ZNF773: variants seen among roughly 807,000 people sequenced by gnomAD.
The protein encoded by ZNF773 is zinc finger protein 773, also known as zinc finger protein 419B.
In ZNF773, 11 loss-of-function variants were observed where a neutral mutation model predicts 12.8. The observed-to-expected ratio is 0.86, with a 90% CI of 0.54 to 1.42. The LOEUF (loss-of-function observed/expected upper bound fraction) is 1.42. Ranked by LOEUF, ZNF773 falls within the 40% of genes most tolerant of loss-of-function variation. The pLI, the probability that ZNF773 is intolerant of heterozygous loss-of-function variation, is 0.00. For synonymous variants in ZNF773, 175 were observed against 178.4 expected (o/e 0.98, Z 0.15); for missense variants, 518 against 527.2 (o/e 0.98, Z 0.17).
In ZNF773 at chr19:57,504,710, G is replaced by C; in HGVS notation, c.87G>C (p.Trp29Cys). ...CTGTCTACTTCTCCCAGGAGGAATG[G>C]AGATTGCTTGATGACGCTCAGAGGC... ...DVAVYFSQEE[W>C]RLLDDAQRLL... Residue 29 changes from tryptophan (W) to cysteine (C), a missense_variant, in exon 2 of 4, where the codon TGG (tryptophan) becomes TGC (cysteine). Physicochemically the swap from Trp to Cys is radical, Grantham distance 215 (BLOSUM62 -2). Transcript: ENST00000282292. The C allele has an allele frequency of 6.2e-7, 1 of 1,614,046 alleles. No individual in the cohort carries two copies. Among genetic ancestry groups the C allele is most frequent in the Non-Finnish European group, 8.5e-7 (1 of 1,180,026 alleles).
At chr19:57,510,921 G>C (rs2089789067), downstream of ZNF773, among the ~76,000 whole-genome samples, 2 of 151,944 alleles carry the variant, frequency 1.3e-5, no homozygotes, top group Non-Finnish European at 2.9e-5. Context: ...CTGTTCTATA[G>C]GTTGAGACGA....
At chr19:57,514,623 T>A (rs1256224280), downstream of ZNF773, 1 of 152,254 alleles carries the variant, frequency 6.6e-6, no homozygotes, top group African/African-American at 2.4e-5. Flanking sequence ...ATGGCTTTTT[T>A]ATCCAATCAG....
intron 1 of ZNF773, among the ~76,000 whole-genome samples, chr19:57,502,185 G>T (rs1280221425): frequency 6.6e-6 from 1 of 152,028 alleles, no homozygotes; most frequent in Admixed American, 6.6e-5. Flanking sequence ...CAGGTGATCC[G>T]CCCACCTCTG....
At chr19:57,509,606 T>C (rs1313218385), downstream of ZNF773, among the ~76,000 whole-genome samples, 1 of 152,218 alleles carries the variant, frequency 6.6e-6, no homozygotes, top group Non-Finnish European at 1.5e-5. Flanking sequence ...TCCTGACAAA[T>C]CACCACAAAC....
intron 1 of ZNF773, among the ~76,000 whole-genome samples, chr19:57,500,665 T>C (rs1007774893): frequency 6.6e-6 from 1 of 152,108 alleles, no homozygotes; most frequent in Non-Finnish European, 1.5e-5. Flanking sequence ...TGAAAGAAAG[T>C]AGGGAATGAA....
chr19:57,503,404 G>A (rs1197847584), intron 1 of ZNF773, among the ~76,000 whole-genome samples: 1 of 152,186 alleles, frequency 6.6e-6, no homozygotes, highest in Non-Finnish European at 1.5e-5. Flanking sequence ...CATGGGGAAA[G>A]GGATGTAGGG....
Position 57,504,556 on chromosome 19 carries a change from A to T in ZNF773, c.34-101A>T, listed in dbSNP as rs575881528. ...TCTGGGGCAGGGTCTCTCTTCTGAGATGGGGATTAAGGAAGAGGGTGAGCA... is the reference window on the plus strand; with the variant it reads ...TCTGGGGCAGGGTCTCTCTTCTGAGTTGGGGATTAAGGAAGAGGGTGAGCA... On this transcript the variant is annotated intron_variant, in intron 1 of 3. Transcript: ENST00000282292. 4.7e-4 allele frequency: 717 copies of T among 1,537,158 alleles called. 3 individuals are homozygous for T. The African/African-American group carries it at 9.0e-3, about 19-fold the overall frequency.
chr19:57,514,538 G>A (rs2089820105), downstream of ZNF773: 1 of 152,164 alleles, frequency 6.6e-6, no homozygotes, highest in Admixed American at 6.5e-5. Flanking sequence ...CTTTGCTTCT[G>A]TTTATTCTTC....
At position 57,507,228 on chromosome 19, in the gene ZNF773, G is replaced by A. The variant is rs778148465; in HGVS notation, c.1133G>A (p.Arg378Gln). 49 of 1,610,604 alleles carry A rather than the reference G, an allele frequency of 3.0e-5. No homozygotes were observed. Among genetic ancestry groups the A allele is most frequent in the African/African-American group, 1.9e-4 (14 of 74,704 alleles). The change falls in exon 4 of 4, where the codon CGA becomes CAA. Residue 378 changes from arginine to glutamine, a missense_variant. Arg to Gln is a conservative substitution (Grantham distance 43, BLOSUM62 1). Transcript: ENST00000282292. ...CAAAGCTCAAGCCTCATGCAACATC[G>A]AAAAGTTCACACTGGAGAAAAACCT... ...FSQSSSLMQH[R>Q]KVHTGEKPFK... is the part of the protein sequence containing the mutation.
In ZNF773 at chr19:57,507,028, G is replaced by C. The variant is rs768938774; in HGVS notation, c.933G>C (p.Leu311Phe). The change falls in exon 4 of 4, where the codon TTG becomes TTC. Residue 311 changes from leucine to phenylalanine, a missense_variant. Physicochemically the swap from Leu to Phe is conservative, Grantham distance 22. Coordinates refer to ENST00000282292, the MANE Select transcript of ZNF773 (RefSeq NM_198542.3). ...RPYECSECGK[L>F]FSFNSSLMKH... ...ATGAGTGCAGTGAATGTGGAAAATT[G>C]TTTAGTTTCAACTCCAGCCTCATGA... is the stretch of plus-strand genomic sequence containing the variant. 8.1e-6 allele frequency: 13 copies of C among 1,613,340 alleles called. No individual in the cohort carries two copies. The highest frequency in any genetic ancestry group is 1.1e-5 in the Non-Finnish European group (13 of 1,179,812).
At chr19:57,511,740 CACACAT>C (rs1568583831), downstream of ZNF773, among the ~76,000 whole-genome samples, 269 of 150,436 alleles carry the variant, frequency 1.8e-3, 2 homozygotes, top group African/African-American at 6.4e-3. Flanking sequence ...CACACACATA[CACACAT>C]ACACACACTC....
intron 1 of ZNF773, among the ~76,000 whole-genome samples, chr19:57,504,004 G>C (rs2089698649): frequency 6.6e-6 from 1 of 152,208 alleles, no homozygotes; most frequent in African/African-American, 2.4e-5. Context: ...ACATTGGGCA[G>C]GAACAGCTTT....
chr19:57,500,193 C>T, intron 1 of ZNF773, 80 bp downstream of exon 1: 2 of 1,476,004 alleles, frequency 1.4e-6, no homozygotes, highest in East Asian at 2.6e-5. Flanking sequence ...GGGTGCAGAA[C>T]TGTGGGGCGT....
chr19:57,508,179 T>C lies in ZNF773; in HGVS notation c.*755T>C. On this transcript the variant is annotated 3_prime_UTR_variant, in exon 4 of 4. Coordinates refer to ENST00000282292, the MANE Select transcript of ZNF773 (RefSeq NM_198542.3). ...AAAAACAAAAAAAACCCAGAAACTC[T>C]GAGGGTGATCTTTATGAGGGAGCTG... 2.9e-6 allele frequency: 3 copies of C among 1,017,794 alleles called. No individual in the cohort carries two copies. Among genetic ancestry groups the C allele is most frequent in the Non-Finnish European group, 3.5e-6 (3 of 850,230 alleles). 63.0% of individuals were successfully genotyped at this position (1,017,794 alleles called of 1,614,324 possible). A position where few individuals can be genotyped will look rare whatever the true frequency, so the allele number is the denominator to read the frequency against.
In ZNF773 at chr19:57,507,433, A is replaced by G. The variant is rs749293115; in HGVS notation, c.*9A>G. On this transcript the variant is annotated 3_prime_UTR_variant, in exon 4 of 4. Coordinates refer to ENST00000282292, the MANE Select transcript of ZNF773 (RefSeq NM_198542.3). ...CTGGAGAAATACAATGATTGTGAGAAATCCTTTAGCTGGTGTTTCAACCTC... is the reference window on the plus strand; with the variant it reads ...CTGGAGAAATACAATGATTGTGAGAGATCCTTTAGCTGGTGTTTCAACCTC... 3 of 1,574,712 alleles carry G rather than the reference A, an allele frequency of 1.9e-6. No individual in the cohort carries two copies. The Admixed American group carries it at 5.7e-5, about 30-fold the overall frequency.
At chr19:57,509,012 C>T (rs1346942472), downstream of ZNF773, among the ~76,000 whole-genome samples, 1 of 152,118 alleles carries the variant, frequency 6.6e-6, no homozygotes, top group African/African-American at 2.4e-5. Context: ...GTTACATAGA[C>T]TAGTCTCTAA....
intron 3 of ZNF773, among the ~76,000 whole-genome samples, 157 bp from the exon 4 acceptor site, chr19:57,506,201 C>T (rs1568580593): frequency 2.0e-5 from 3 of 152,150 alleles, no homozygotes; most frequent in South Asian, 4.1e-4. Flanking sequence ...TAGCCAGGTT[C>T]AGCACTGCAC....
Position 57,507,773 on chromosome 19 carries a change from A to C in ZNF773, c.*349A>C. ...GCGGATCACAAGGTCAGGACATCGAAACCATCCTGGTTAACACAATGAAAC... is the reference window on the plus strand; with the variant it reads ...GCGGATCACAAGGTCAGGACATCGACACCATCCTGGTTAACACAATGAAAC... On this transcript the variant is annotated 3_prime_UTR_variant, in exon 4 of 4. Coordinates refer to ENST00000282292, the MANE Select transcript of ZNF773 (RefSeq NM_198542.3). The C allele has an allele frequency of 7.4e-6, 7 of 949,680 alleles. No individual in the cohort carries two copies. In the South Asian group the frequency reaches 1.2e-4, roughly 17 times the overall value. 58.8% of individuals were successfully genotyped at this position (949,680 alleles called of 1,614,324 possible).
rs142242140 is a variant in ZNF773, at chr19:57,506,758, C to A, written c.663C>A (p.Cys221Ter). The change falls in exon 4 of 4, where the codon TGC (cysteine) becomes TGA (stop). Residue 221 changes from cysteine (C) to a stop codon, truncating the protein, a stop_gained. Coordinates refer to ENST00000282292, the MANE Select transcript of ZNF773 (RefSeq NM_198542.3). LOFTEE classifies it low-confidence loss of function (END_TRUNC). ...RLHTGEKPYE[C>*]SECGKLFSHK... The stretch of plus-strand genomic sequence containing the variant: ...ACACTGGGGAAAAGCCTTATGAATG[C>A]AGTGAATGTGGGAAGTTATTTAGCC... The A allele has an allele frequency of 1.4e-4, 230 of 1,614,240 alleles. No homozygotes were observed. Among genetic ancestry groups the A allele is most frequent in the Middle Eastern group, 1.6e-4 (1 of 6,062 alleles).
Sources: gnomAD v4.1 joint callset for allele counts (sites outside exome capture counted in the v4.1 genomes callset) on GRCh38, gnomAD v4.1.1 for gene constraint, MANE v1.5 for transcripts, NCBI Gene and HGNC (gene_info 2026-07-23, HGNC 2026-07-21) for gene names.